NRXN3: variants seen among roughly 807,000 people sequenced by gnomAD.
NRXN3 encodes neurexin 3.
Under a neutral mutation model 137.6 loss-of-function variants are expected in NRXN3, and 32 were observed. The ratio of observed to expected loss-of-function variants is 0.23; its 90% CI spans 0.18 to 0.31. The LOEUF (loss-of-function observed/expected upper bound fraction) is 0.31, where lower values mean the gene tolerates loss of function less well. Among genes scored for constraint, NRXN3 ranks in the 10% least tolerant of loss-of-function variants. The pLI, the probability that NRXN3 is intolerant of heterozygous loss-of-function variation, is 1.00. For missense variants in NRXN3, 1,574 were observed against 2,062.5 expected, an observed-to-expected ratio of 0.76 and a Z score of 4.59; for synonymous variants, 798 against 784.5, an observed-to-expected ratio of 1.02 and a Z score of -0.29.
intron 4 of NRXN3, among the ~76,000 whole-genome samples, chr14:78,609,067 G>T (rs540491219): frequency 2.6e-5 from 4 of 152,290 alleles, no homozygotes; most frequent in African/African-American, 9.6e-5. Flanking sequence ...TCAGGGCACA[G>T]CTGGGCCAGG....
intron 15 of NRXN3, chr14:79,247,162 A>G (rs1456117802): frequency 6.6e-6 from 1 of 152,118 alleles, no homozygotes; most frequent in Non-Finnish European, 1.5e-5. Flanking sequence ...CTATTTCATT[A>G]TATTATCTCT....
At chr14:78,718,723 T>A (rs1469532733) in intron 8 of NRXN3, among the ~76,000 whole-genome samples, 1 of 152,236 alleles carries the variant, frequency 6.6e-6, no homozygotes, top group Non-Finnish European at 1.5e-5. Flanking sequence ...TTTTTCAGCA[T>A]AATCTGTTGC....
chr14:79,355,207 G>T (rs908135833), intron 15 of NRXN3, among the ~76,000 whole-genome samples: 10 of 151,932 alleles, frequency 6.6e-5, no homozygotes, highest in African/African-American at 2.2e-4. Context: ...TGCCATATTG[G>T]TAGATGAAAT....
intron 8 of NRXN3, among the ~76,000 whole-genome samples, chr14:78,740,521 AT>A (rs1019763945): frequency 9.5e-5 from 14 of 147,594 alleles, no homozygotes; most frequent in Admixed American, 1.4e-4. Flanking sequence ...TTAATTTGCA[AT>A]TTTTTTCTTC....
At chr14:79,373,184 T>C (rs1464709243) in intron 15 of NRXN3, among the ~76,000 whole-genome samples, 6 of 152,300 alleles carry the variant, frequency 3.9e-5, no homozygotes, top group African/African-American at 1.4e-4. Context: ...TAGTTGTTAT[T>C]GCTGTGACTT....
chr14:78,274,400 A>G (rs112786181), intron 2 of NRXN3, among the ~76,000 whole-genome samples: 8,327 of 152,196 alleles, frequency 0.055, 476 homozygotes, highest in African/African-American at 0.15. Flanking sequence ...CCCTTATAAA[A>G]CCATCAGATC....
intron 4 of NRXN3, among the ~76,000 whole-genome samples, chr14:78,323,643 A>AT (rs1364601570): frequency 6.6e-6 from 1 of 151,986 alleles, no homozygotes; most frequent in Non-Finnish European, 1.5e-5. Context: ...CAGGCAGGAA[A>AT]AGACCAGACT....
chr14:79,278,651 T>C (rs2153437355), intron 15 of NRXN3, among the ~76,000 whole-genome samples: 1 of 152,302 alleles, frequency 6.6e-6, no homozygotes, highest in South Asian at 2.1e-4. Flanking sequence ...GCGCGGACGA[T>C]AACCTCTGGA....
intron 3 of NRXN3, among the ~76,000 whole-genome samples, chr14:78,295,996 C>A (rs1375504657): frequency 1.3e-5 from 2 of 151,460 alleles, no homozygotes; most frequent in Non-Finnish European, 2.9e-5. Flanking sequence ...CTCTATTTGA[C>A]TCTTAGGTAG....
At chr14:79,568,552 G>GCT (rs10646069) in intron 16 of NRXN3, among the ~76,000 whole-genome samples, 24,001 of 151,942 alleles carry the variant, frequency 0.16, 2,365 homozygotes, top group African/African-American at 0.28. Context: ...ACCCACCAGG[G>GCT]TACCAGTCTA....
At position 78,242,385 on chromosome 14, in the gene NRXN3, C is replaced by G. The variant is rs150464329; in HGVS notation, c.-703-6C>G. Reference sequence around the variant, plus strand: ...CCTCTCCTTCTCCCTCCCCCTCTTCCCACAGGTCTTTTCTCTGGAGTCCTG... The same window carrying G: ...CCTCTCCTTCTCCCTCCCCCTCTTCGCACAGGTCTTTTCTCTGGAGTCCTG... On this transcript the variant is annotated splice_region_variant and splice_polypyrimidine_tract_variant and intron_variant, in intron 1 of 20. Transcript: ENST00000335750. 6.6e-6 allele frequency: 1 copy of G among 152,462 alleles called. No homozygotes were observed. The highest frequency in any genetic ancestry group is 2.4e-5 in the African/African-American group (1 of 41,570). The allele number at this position is 152,462 out of a possible 1,614,324, so 9.4% of individuals were successfully genotyped here.
At chr14:78,227,168 C>G (rs889044582) in intron 1 of NRXN3, among the ~76,000 whole-genome samples, 6 of 151,316 alleles carry the variant, frequency 4.0e-5, no homozygotes, top group African/African-American at 1.2e-4. Flanking sequence ...ATTTTGCCAC[C>G]TTATCTAACA....
intron 15 of NRXN3, among the ~76,000 whole-genome samples, chr14:79,381,292 A>G (rs1413124902): frequency 1.3e-5 from 2 of 151,610 alleles, no homozygotes; most frequent in Admixed American, 1.3e-4. Flanking sequence ...GAGGAGAGGT[A>G]TATAGTGTTT....
At chr14:79,358,528 C>T (rs541471662) in intron 15 of NRXN3, among the ~76,000 whole-genome samples, 8 of 138,650 alleles carry the variant, frequency 5.8e-5, no homozygotes, top group Non-Finnish European at 1.1e-4. Flanking sequence ...GAGCAGAGAT[C>T]GCACTACTGC....
chr14:78,601,330 C>G (rs2097199772), intron 4 of NRXN3, among the ~76,000 whole-genome samples: 1 of 152,154 alleles, frequency 6.6e-6, no homozygotes, highest in Non-Finnish European at 1.5e-5. Flanking sequence ...TCTTTTTGGT[C>G]ATATGCCAAT....
chr14:79,826,495 T>A (rs1301110998), intron 20 of NRXN3, among the ~76,000 whole-genome samples: 1 of 152,216 alleles, frequency 6.6e-6, no homozygotes, highest in Non-Finnish European at 1.5e-5. Context: ...AACATATTTA[T>A]GTAGATATGT....
chr14:78,454,028 C>G (rs538139778), intron 4 of NRXN3, among the ~76,000 whole-genome samples: 14 of 152,304 alleles, frequency 9.2e-5, no homozygotes, highest in African/African-American at 3.1e-4. Flanking sequence ...AACTAATACA[C>G]CACTGAACCA....
At chr14:79,703,760 C>T (rs918455700) in intron 19 of NRXN3, among the ~76,000 whole-genome samples, 1 of 152,060 alleles carries the variant, frequency 6.6e-6, no homozygotes, top group Non-Finnish European at 1.5e-5. Context: ...TGATTAGCCT[C>T]TCTAAGCCTC....
At chr14:78,422,441 C>A (rs2093486537) in intron 4 of NRXN3, among the ~76,000 whole-genome samples, 1 of 152,122 alleles carries the variant, frequency 6.6e-6, no homozygotes. Flanking sequence ...ATGAACTCTT[C>A]AATGCAAAGG....
Sources: allele counts gnomAD v4.1 joint callset (sites outside exome capture counted in the v4.1 genomes callset), GRCh38; gene constraint gnomAD v4.1.1; transcripts MANE v1.5; gene names NCBI Gene and HGNC (gene_info 2026-07-23, HGNC 2026-07-21).